The following XNDC1N variants were observed in gnomAD, a reference collection of about 807,000 sequenced individuals.
XNDC1N encodes the protein XRCC1 N-terminal domain containing 1, N-terminal like, also known as protein XNDC1N.
At chr11:71,919,015 A>T in the XNDC1N span, 80 of 701,770 alleles carry the variant, frequency 1.1e-4, no homozygotes, top group Middle Eastern at 4.6e-3. Flanking sequence ...TCTCTACAGG[A>T]TACTTGGGAT....
chr11:71,886,439 T>C, the XNDC1N span, among the ~76,000 whole-genome samples: 2 of 151,398 alleles, frequency 1.3e-5, no homozygotes, highest in Admixed American at 1.3e-4. Context: ...TGGACCCACA[T>C]GAAAGAGAGG....
At chr11:71,868,986 TTTTC>T in the XNDC1N span, among the ~76,000 whole-genome samples, 5 of 152,184 alleles carry the variant, frequency 3.3e-5, no homozygotes, top group Non-Finnish European at 7.3e-5. Flanking sequence ...TTGAATTCTT[TTTTC>T]TTTATTTTTG....
the XNDC1N span, among the ~76,000 whole-genome samples, chr11:71,880,733 A>G: frequency 6.6e-6 from 1 of 152,100 alleles, no homozygotes. Context: ...TATTTCAAGA[A>G]CATTTGTTAT....
At chr11:71,875,788 G>A in the XNDC1N span, among the ~76,000 whole-genome samples, 304 of 152,318 alleles carry the variant, frequency 2.0e-3, no homozygotes, top group Middle Eastern at 6.8e-3. Flanking sequence ...CACTCTGGGA[G>A]GCAGAGGCAG....
chr11:71,925,889 A>T, the XNDC1N span: 1 of 152,102 alleles, frequency 6.6e-6, no homozygotes, highest in South Asian at 2.1e-4. Flanking sequence ...CAAAAAAAAT[A>T]AAAATAAATA....
chr11:71,885,656 C>T, the XNDC1N span, among the ~76,000 whole-genome samples: 1 of 151,952 alleles, frequency 6.6e-6, no homozygotes, highest in African/African-American at 2.4e-5. Flanking sequence ...GGTGTACACC[C>T]ACTGAGGTAT....
chr11:71,894,098 C>T, the XNDC1N span: 23 of 478,494 alleles, frequency 4.8e-5, no homozygotes, highest in East Asian at 7.2e-4. Context: ...GGTTTTCTTC[C>T]CATTTCAGGG....
chr11:71,874,631 A>C, the XNDC1N span, among the ~76,000 whole-genome samples: 3 of 152,204 alleles, frequency 2.0e-5, no homozygotes, highest in African/African-American at 7.2e-5. Context: ...TATAGGAAAC[A>C]TCCAGGCTAG....
the XNDC1N span, chr11:71,865,655 C>G: frequency 5.4e-6 from 1 of 183,496 alleles, no homozygotes; most frequent in Non-Finnish European, 1.2e-5. Context: ...TGATGATACT[C>G]TCGATTTTAC....
the XNDC1N span, among the ~76,000 whole-genome samples, chr11:71,908,130 G>A: frequency 6.6e-6 from 1 of 151,914 alleles, no homozygotes; most frequent in Non-Finnish European, 1.5e-5. Flanking sequence ...GAGGTATTAG[G>A]GCGTAATATT....
At chr11:71,871,398 T>A in the XNDC1N span, among the ~76,000 whole-genome samples, 1 of 152,170 alleles carries the variant, frequency 6.6e-6, no homozygotes, top group Non-Finnish European at 1.5e-5. Flanking sequence ...AAGGATATCA[T>A]GGTCAAACAG....
the XNDC1N span, among the ~76,000 whole-genome samples, chr11:71,870,102 A>C: frequency 1.3e-5 from 2 of 152,096 alleles, no homozygotes; most frequent in Non-Finnish European, 2.9e-5. Flanking sequence ...AAATCATCAG[A>C]TCTCATGAGA....
chr11:71,885,014 G>A, the XNDC1N span, among the ~76,000 whole-genome samples: 1 of 152,084 alleles, frequency 6.6e-6, no homozygotes, highest in South Asian at 2.1e-4. Context: ...AGGATCCGCG[G>A]TGGATACACA....
the XNDC1N span, among the ~76,000 whole-genome samples, chr11:71,888,870 C>T: frequency 6.6e-6 from 1 of 152,238 alleles, no homozygotes; most frequent in Non-Finnish European, 1.5e-5. Flanking sequence ...CACCCCGCCA[C>T]CTTGCTCCCG....
At chr11:71,912,150 G>T in the XNDC1N span, among the ~76,000 whole-genome samples, 1 of 152,180 alleles carries the variant, frequency 6.6e-6, no homozygotes, top group African/African-American at 2.4e-5. Flanking sequence ...AGGCAGCGGT[G>T]TGTTACCTGC....
the XNDC1N span, among the ~76,000 whole-genome samples, chr11:71,889,546 G>A: frequency 1.3e-5 from 2 of 152,238 alleles, no homozygotes; most frequent in Admixed American, 6.5e-5. Context: ...TGGGAGAGTA[G>A]CTGTGCCACA....
the XNDC1N span, among the ~76,000 whole-genome samples, chr11:71,899,846 T>C: frequency 6.6e-6 from 1 of 152,306 alleles, no homozygotes; most frequent in East Asian, 1.9e-4. Flanking sequence ...GGAAAGCCTC[T>C]TGCAGTTGAG....
At chr11:71,901,414 T>C in the XNDC1N span, among the ~76,000 whole-genome samples, 59 of 152,076 alleles carry the variant, frequency 3.9e-4, no homozygotes, top group African/African-American at 1.4e-3. Context: ...CTGGCCCACA[T>C]GGTGAAACCA....
the XNDC1N span, among the ~76,000 whole-genome samples, chr11:71,910,154 G>C: frequency 6.6e-6 from 1 of 152,112 alleles, no homozygotes; most frequent in Non-Finnish European, 1.5e-5. Flanking sequence ...AGTCTCCATG[G>C]AACACTCCCC....
Sources: allele counts gnomAD v4.1 joint callset (sites outside exome capture counted in the v4.1 genomes callset), GRCh38; gene constraint gnomAD v4.1.1; transcripts MANE v1.5; gene names NCBI Gene and HGNC (gene_info 2026-07-23, HGNC 2026-07-21).